Variants in IKZF1 observed in about 807,000 individuals in gnomAD.
IKZF1 encodes IKAROS family zinc finger 1, also known as DNA-binding protein Ikaros.
In IKZF1, 10 loss-of-function variants were observed where a neutral mutation model predicts 51.7. The ratio of observed to expected loss-of-function variants is 0.19; its 90% CI spans 0.12 to 0.33. The LOEUF (loss-of-function observed/expected upper bound fraction) is 0.33, where lower values mean the gene tolerates loss of function less well. Among genes scored for constraint, IKZF1 ranks in the 10% least tolerant of loss-of-function variants. The pLI is 1.00. For synonymous variants in IKZF1, 280 were observed against 282.3 expected (o/e 0.99, Z 0.08); for missense variants, 484 against 707.5 (o/e 0.68, Z 3.58).
chr7:50,393,463 C>T (rs1815782385), intron 7 of IKZF1, among the ~76,000 whole-genome samples: 1 of 152,144 alleles, frequency 6.6e-6, no homozygotes, highest in Admixed American at 6.5e-5. Flanking sequence ...AAGGCCAAGT[C>T]CTGGGCACCA....
chr7:50,377,176 A>C (rs1460437954), intron 4 of IKZF1: 1 of 188,868 alleles, frequency 5.3e-6, no homozygotes, highest in Non-Finnish European at 1.1e-5. Flanking sequence ...CTTACTCCTC[A>C]AAGTTTCCAC....
intron 3 of IKZF1, among the ~76,000 whole-genome samples, chr7:50,375,709 C>G (rs866904730): frequency 7.8e-5 from 8 of 103,220 alleles, no homozygotes; most frequent in Admixed American, 1.9e-4. Context: ...CCTCCCACCC[C>G]CCCCCCCCAC....
chr7:50,364,944 T>C (rs1337501298), intron 3 of IKZF1, among the ~76,000 whole-genome samples: 1 of 152,128 alleles, frequency 6.6e-6, no homozygotes, highest in African/African-American at 2.4e-5. Context: ...GGTTGGGAAT[T>C]TGTTCATTGA....
chr7:50,318,513 A>G (rs962299835), intron 1 of IKZF1: 18 of 225,904 alleles, frequency 8.0e-5, no homozygotes, highest in African/African-American at 4.0e-4. Context: ...CTGGAGGTGT[A>G]TTCATTATTG....
chr7:50,356,842 G>A (rs1803557528), intron 3 of IKZF1, among the ~76,000 whole-genome samples: 1 of 151,932 alleles, frequency 6.6e-6, no homozygotes, highest in South Asian at 2.1e-4. Context: ...GCTGTGCTTG[G>A]GCCCTACCTC....
chr7:50,316,461 C>T (rs1004910500), intron 1 of IKZF1, among the ~76,000 whole-genome samples: 1 of 152,184 alleles, frequency 6.6e-6, no homozygotes, highest in Admixed American at 6.5e-5. Flanking sequence ...CCAGCAGGCC[C>T]ACGTGCGAAA....
intron 3 of IKZF1, among the ~76,000 whole-genome samples, chr7:50,332,385 C>T (rs1796609155): frequency 6.6e-6 from 1 of 152,104 alleles, no homozygotes; most frequent in Non-Finnish European, 1.5e-5. Flanking sequence ...AGTCCTCAGC[C>T]ACTAGGATTC....
chr7:50,389,854 C>T (rs915042755), intron 6 of IKZF1, among the ~76,000 whole-genome samples: 2 of 152,130 alleles, frequency 1.3e-5, no homozygotes, highest in African/African-American at 4.8e-5. Flanking sequence ...ATCTCTCCTC[C>T]TCTGTTCCCC....
chr7:50,372,277 A>G lies in IKZF1; in HGVS notation c.161-4256A>G, dbSNP rs1042866152. On this transcript the variant is annotated intron_variant, in intron 3 of 7. Coordinates refer to ENST00000331340, the MANE Select transcript of IKZF1 (RefSeq NM_006060.6). ...GCAAAGAAAAGAGGAGCTTAACCCC[A>G]TTTACGGGAAATCCACGCACTGCTT... 2.6e-5 allele frequency among the ~76,000 whole-genome samples: 4 copies of G among 152,244 alleles called. No homozygotes were observed. In the South Asian group the frequency reaches 8.3e-4, roughly 32 times the overall value.
intron 3 of IKZF1, among the ~76,000 whole-genome samples, chr7:50,350,010 C>G (rs912733179): frequency 6.6e-6 from 1 of 152,234 alleles, no homozygotes; most frequent in Non-Finnish European, 1.5e-5. Context: ...CTGAGAAACA[C>G]ATGAAATCAC....
chr7:50,393,741 C>T (rs1271577194), intron 7 of IKZF1: 3 of 232,246 alleles, frequency 1.3e-5, no homozygotes, highest in Non-Finnish European at 2.6e-5. Context: ...GCACTGGGCA[C>T]AGAGCCCACG....
chr7:50,313,977 A>G (rs1260044133), intron 1 of IKZF1, among the ~76,000 whole-genome samples: 1 of 152,204 alleles, frequency 6.6e-6, no homozygotes, highest in Non-Finnish European at 1.5e-5. Flanking sequence ...GCACACTAAA[A>G]ATACTCAGTA....
chr7:50,392,217 G>A (rs10262731), intron 7 of IKZF1, among the ~76,000 whole-genome samples: 14,662 of 152,122 alleles, frequency 0.096, 806 homozygotes, highest in Middle Eastern at 0.14. Flanking sequence ...AGGCCTGGCC[G>A]GCTTCTCAGA....
intron 6 of IKZF1, among the ~76,000 whole-genome samples, chr7:50,390,885 G>A (rs141280845): frequency 2.6e-5 from 4 of 152,232 alleles, no homozygotes; most frequent in East Asian, 1.9e-4. Flanking sequence ...AAATATCCGA[G>A]GCAGGAGGAA....
In IKZF1 at chr7:50,376,894, A is replaced by G. The variant is rs1389277733; in HGVS notation, c.421+101A>G. On this transcript the variant is annotated intron_variant, in intron 4 of 7. Coordinates refer to ENST00000331340, the MANE Select transcript of IKZF1 (RefSeq NM_006060.6). The surrounding 1 kb of genome is among the most constrained non-coding windows in gnomAD (Gnocchi z 4.5). ...TTCCTTGTGTTCTGAGCATGTTTCT[A>G]ATTGACTGGTAGCTCAGTTGTTGCA... 6.4e-5 allele frequency: 97 copies of G among 1,509,128 alleles called. No homozygotes were observed. The highest frequency in any genetic ancestry group is 7.9e-5 in the Non-Finnish European group (89 of 1,128,550). 93.5% of individuals were successfully genotyped at this position (1,509,128 alleles called of 1,614,324 possible).
intron 3 of IKZF1, among the ~76,000 whole-genome samples, chr7:50,338,053 C>G (rs899450058): frequency 3.6e-4 from 55 of 151,944 alleles, no homozygotes; most frequent in Non-Finnish European, 6.2e-4. Flanking sequence ...TTTAATATAG[C>G]CAGTAATGTT....
At chr7:50,348,036 G>A (rs1800820786) in intron 3 of IKZF1, among the ~76,000 whole-genome samples, 1 of 152,106 alleles carries the variant, frequency 6.6e-6, no homozygotes, top group Non-Finnish European at 1.5e-5. Context: ...GGGACCAAGG[G>A]ACATTTTAGT....
At chr7:50,356,496 G>T (rs997135748) in intron 3 of IKZF1, among the ~76,000 whole-genome samples, 6 of 152,256 alleles carry the variant, frequency 3.9e-5, no homozygotes, top group Non-Finnish European at 8.8e-5. Context: ...CTTTGTGCCT[G>T]TGTTTCTGTG....
At chr7:50,346,196 C>T (rs913165779) in intron 3 of IKZF1, among the ~76,000 whole-genome samples, 1 of 152,200 alleles carries the variant, frequency 6.6e-6, no homozygotes, top group Non-Finnish European at 1.5e-5. Context: ...GCACAGAGAT[C>T]CCCAGTCTCA....
Sources: allele counts gnomAD v4.1 joint callset (sites outside exome capture counted in the v4.1 genomes callset), GRCh38; gene constraint gnomAD v4.1.1; non-coding constraint Gnocchi (gnomAD v3.1); transcripts MANE v1.5; gene names NCBI Gene and HGNC (gene_info 2026-07-23, HGNC 2026-07-21).